Variants in RBFOX1 observed in about 807,000 individuals in gnomAD.
The protein encoded by RBFOX1 is RNA binding fox-1 homolog 1, also known as RNA binding protein fox-1 homolog 1.
A neutral mutation model predicts 57.7 loss-of-function variants in RBFOX1; 8 were observed. The ratio of observed to expected loss-of-function variants is 0.14; its 90% CI spans 0.08 to 0.25. The LOEUF (loss-of-function observed/expected upper bound fraction) is 0.25. Among genes scored for constraint, RBFOX1 ranks in the 10% least tolerant of loss-of-function variants. The probability of loss-of-function intolerance (pLI) is 1.00; values close to 1 mark genes in which losing one functional copy is unlikely to be tolerated. For synonymous variants in RBFOX1, 326 were observed against 222.4 expected (o/e 1.47, Z -4.15); for missense variants, 611 against 548.5 (o/e 1.11, Z -1.14).
chr16:5,604,606 C>A (rs1013557677), downstream of RBFOX1, among the ~76,000 whole-genome samples: 1 of 152,160 alleles, frequency 6.6e-6, no homozygotes, highest in African/African-American at 2.4e-5. Context: ...TGCCCATCAT[C>A]TTTTCTATTG....
At chr16:5,700,197 C>A (rs912056991) in intron 3 of RBFOX1, among the ~76,000 whole-genome samples, 1 of 152,084 alleles carries the variant, frequency 6.6e-6, no homozygotes, top group East Asian at 1.9e-4. Context: ...TTGAAGTCAG[C>A]ATTTAAAAAG....
At chr16:7,463,032 T>C (rs540713026) in intron 4 of RBFOX1, among the ~76,000 whole-genome samples, 86 of 152,294 alleles carry the variant, frequency 5.6e-4, no homozygotes, top group Non-Finnish European at 1.1e-3. Context: ...TGCCAAAAAC[T>C]GGTTGGCTTA....
intron 4 of RBFOX1, among the ~76,000 whole-genome samples, chr16:7,476,567 C>T (rs1344453607): frequency 6.6e-6 from 1 of 152,192 alleles, no homozygotes; most frequent in African/African-American, 2.4e-5. Context: ...AGCTCTTCTG[C>T]AGACGTAGGG....
At chr16:6,297,583 G>C (rs560632856) in intron 1 of RBFOX1, among the ~76,000 whole-genome samples, 1 of 152,136 alleles carries the variant, frequency 6.6e-6, no homozygotes, top group Non-Finnish European at 1.5e-5. Flanking sequence ...GAAGAGGGCA[G>C]TTCCTTGGCA....
intron 3 of RBFOX1, among the ~76,000 whole-genome samples, chr16:6,982,985 ACT>A (rs1163918456): frequency 3.7e-5 from 4 of 108,690 alleles, no homozygotes; most frequent in African/African-American, 3.8e-5. Flanking sequence ...CAAGAGTGAG[ACT>A]CTGTCTAAAA....
rs144276103 is a variant in RBFOX1 at position 7,665,177 on chromosome 16, C to T, written c.930+209C>T. Among the ~76,000 whole-genome samples, 139 of 152,210 alleles carry T rather than the reference C, an allele frequency of 9.1e-4. No homozygotes were observed. The East Asian group carries it at 0.023, about 25-fold the overall frequency. On this transcript the variant is annotated intron_variant, in intron 13 of 15. Coordinates refer to ENST00000550418, the MANE Select transcript of RBFOX1 (RefSeq NM_018723.4). ...TGGCTGTTTAGTGGGGTGGAATTAACCCCTCGATCAACTTCAGAACGAATG... is the reference window on the plus strand; with the variant it reads ...TGGCTGTTTAGTGGGGTGGAATTAATCCCTCGATCAACTTCAGAACGAATG...
intron 3 of RBFOX1, among the ~76,000 whole-genome samples, chr16:7,022,941 T>C (rs907659382): frequency 2.0e-5 from 3 of 152,162 alleles, no homozygotes; most frequent in Non-Finnish European, 4.4e-5. Flanking sequence ...TCATTCTTTA[T>C]CACTAAATAG....
At chr16:6,656,498 C>T (rs183389644) in intron 3 of RBFOX1, among the ~76,000 whole-genome samples, 2 of 151,938 alleles carry the variant, frequency 1.3e-5, no homozygotes, top group South Asian at 4.2e-4. Flanking sequence ...GGCAACTGCC[C>T]TGGTTTCTGG....
At chr16:5,962,048 G>A (rs1026170405) in intron 4 of RBFOX1, among the ~76,000 whole-genome samples, 6 of 152,232 alleles carry the variant, frequency 3.9e-5, no homozygotes, top group African/African-American at 1.4e-4. Flanking sequence ...CTGTTCTCGT[G>A]GTACAAAATA....
intron 9 of RBFOX1, among the ~76,000 whole-genome samples, chr16:7,597,645 C>T (rs1408283248): frequency 6.6e-6 from 1 of 152,166 alleles, no homozygotes; most frequent in South Asian, 2.1e-4. Flanking sequence ...TGCCCTTCTT[C>T]CCTTCTTTCT....
At chr16:5,546,627 C>A (rs1330827676) in intron 2 of RBFOX1, among the ~76,000 whole-genome samples, 1 of 152,162 alleles carries the variant, frequency 6.6e-6, no homozygotes, top group Admixed American at 6.5e-5. Flanking sequence ...ATCATACATT[C>A]AGATATACAA....
intron 3 of RBFOX1, among the ~76,000 whole-genome samples, chr16:6,658,744 T>G (rs113161048): frequency 5.5e-4 from 83 of 152,098 alleles, no homozygotes; most frequent in African/African-American, 1.9e-3. Flanking sequence ...TGTGGCTTTA[T>G]GTTTTTCTTT....
chr16:7,661,025 G>T (rs2067590478), intron 12 of RBFOX1, among the ~76,000 whole-genome samples: 1 of 152,168 alleles, frequency 6.6e-6, no homozygotes, highest in Admixed American at 6.5e-5. Context: ...GCACAGAAAG[G>T]CTAGACTAGG....
intron 3 of RBFOX1, among the ~76,000 whole-genome samples, chr16:6,924,851 C>A (rs1166152707): frequency 8.0e-6 from 1 of 125,722 alleles, no homozygotes; most frequent in Non-Finnish European, 1.7e-5. Context: ...CCCTACCCCA[C>A]AACAGTCCCT....
intron 4 of RBFOX1, among the ~76,000 whole-genome samples, chr16:5,966,980 T>C (rs2059856329): frequency 1.9e-5 from 2 of 103,650 alleles, no homozygotes; most frequent in African/African-American, 3.7e-5. Flanking sequence ...ATTGTCTTTC[T>C]TGCACTAAAT....
intron 2 of RBFOX1, among the ~76,000 whole-genome samples, chr16:6,452,034 C>A (rs1437537369): frequency 6.7e-6 from 1 of 148,794 alleles, no homozygotes; most frequent in Non-Finnish European, 1.5e-5. Flanking sequence ...ATCCATGGCT[C>A]CTTCCTTCCA....
At chr16:7,619,417 C>G (rs548332951) in intron 10 of RBFOX1, among the ~76,000 whole-genome samples, 3 of 152,106 alleles carry the variant, frequency 2.0e-5, no homozygotes, top group Non-Finnish European at 2.9e-5. Flanking sequence ...GCATAGACAA[C>G]TTCATCCAAT....
intron 1 of RBFOX1, among the ~76,000 whole-genome samples, chr16:5,444,427 A>G (rs1488880461): frequency 1.3e-5 from 2 of 152,236 alleles, no homozygotes; most frequent in African/African-American, 2.4e-5. Context: ...AGACAGTTGT[A>G]GACAAACAGA....
At chr16:7,151,747 C>G (rs1016733110) in intron 4 of RBFOX1, among the ~76,000 whole-genome samples, 4 of 152,072 alleles carry the variant, frequency 2.6e-5, no homozygotes, top group Admixed American at 6.5e-5. Flanking sequence ...TTTCCTGCAA[C>G]TAGACAGTCC....
Sources: gnomAD v4.1 joint callset for allele counts (sites outside exome capture counted in the v4.1 genomes callset) on GRCh38, gnomAD v4.1.1 for gene constraint, MANE v1.5 for transcripts, NCBI Gene and HGNC (gene_info 2026-07-23, HGNC 2026-07-21) for gene names.